Variants in PCNT observed in about 807,000 individuals in gnomAD.
PCNT encodes the protein kendrin.
A neutral mutation model predicts 380.4 loss-of-function variants in PCNT; 319 were observed. The ratio of observed to expected loss-of-function variants is 0.84; its 90% CI spans 0.77 to 0.92. The LOEUF is 0.92. Ranked by LOEUF, PCNT falls within the 40% of genes least tolerant of loss-of-function variation. PCNT has a pLI of 0.00. For missense variants in PCNT, 4,400 were observed against 4,255.3 expected (o/e 1.03, Z -0.95); for synonymous variants, 1,845 against 1,735.2 (o/e 1.06, Z -1.57).
chr21:46,380,775 C>G (rs1235590393), intron 15 of PCNT, among the ~76,000 whole-genome samples: 1 of 152,126 alleles, frequency 6.6e-6, no homozygotes, highest in Non-Finnish European at 1.5e-5. Flanking sequence ...ATGGTTTTTA[C>G]CACTTTTTCT....
At chr21:46,357,955 A>G (rs2084536920) in intron 13 of PCNT, among the ~76,000 whole-genome samples, 1 of 152,246 alleles carries the variant, frequency 6.6e-6, no homozygotes, top group African/African-American at 2.4e-5. Context: ...ATGCTGTCAT[A>G]AATGATGACA....
Position 46,425,208 on chromosome 21 carries a change from C to T in PCNT, c.7180-623C>T, listed in dbSNP as rs570394632. 6.6e-6 allele frequency among the ~76,000 whole-genome samples: 1 copy of T among 152,300 alleles called. No homozygotes were observed. The highest frequency in any genetic ancestry group is 2.1e-4 in the South Asian group (1 of 4,828). On this transcript the variant is annotated intron_variant, in intron 32 of 46. Transcript: ENST00000359568. This position sits in a 1 kb window ranked among gnomAD's most constrained non-coding sequence, Gnocchi z 4.2. ...TTACCCCTCAGCCTCTCTGGCGAGA[C>T]AGTCAAGTGTGTGTCCGGACACCAG...
At position 46,354,039 on chromosome 21, in the gene PCNT, G is replaced by A. The variant is rs370083877; in HGVS notation, c.1732G>A (p.Val578Ile). The A allele has an allele frequency of 1.6e-5, 26 of 1,614,116 alleles. No individual in the cohort carries two copies. The African/African-American group carries it at 2.1e-4, about 13-fold the overall frequency. The change falls in exon 11 of 47, where the codon GTT becomes ATT. Residue 578 changes from valine (V) to isoleucine (I), a missense_variant. Val to Ile is a conservative substitution (Grantham distance 29). Transcript: ENST00000359568. ...ACCTGAGAAAGGAAGAAAAGATCAC[G>A]TTGATGAACTCGAGCCTGAGCGACA... ...EKPEKGRKDH[V>I]DELEPERHKE...
intron 12 of PCNT, 142 bp downstream of exon 12, chr21:46,355,768 C>G (rs558940856): frequency 2.4e-6 from 2 of 832,684 alleles, no homozygotes; most frequent in Non-Finnish European, 3.9e-6. Flanking sequence ...GCTGACACCT[C>G]AACAGAGTGT....
chr21:46,428,702 G>T, intron 35 of PCNT, 112 bp downstream of exon 35: 1 of 953,272 alleles, frequency 1.0e-6, no homozygotes. Flanking sequence ...ATCTAGTCAA[G>T]CCCCTGAGTG....
intron 21 of PCNT, among the ~76,000 whole-genome samples, chr21:46,394,149 C>G (rs2086129634): frequency 6.6e-6 from 1 of 152,260 alleles, no homozygotes; most frequent in Non-Finnish European, 1.5e-5. Context: ...GCTACCGGCC[C>G]TGACCACTCT....
At chr21:46,380,124 C>G (rs938416937) in intron 15 of PCNT, among the ~76,000 whole-genome samples, 3 of 144,544 alleles carry the variant, frequency 2.1e-5, no homozygotes, top group Non-Finnish European at 4.5e-5. Context: ...CTGACTGTTT[C>G]CAACCGGTGC....
In PCNT at chr21:46,444,719, T is replaced by G; in HGVS notation, c.9865T>G (p.Leu3289Val). The G allele has an allele frequency of 6.2e-7, 1 of 1,613,202 alleles. No homozygotes were observed. The highest frequency in any genetic ancestry group is 8.5e-7 in the Non-Finnish European group (1 of 1,179,614). The change falls in exon 46 of 47, where the codon TTA (leucine) becomes GTA (valine). Residue 3289 changes from leucine (L) to valine (V), a missense_variant. Leu to Val is a conservative substitution (Grantham distance 32, BLOSUM62 1). Transcript: ENST00000359568. ...GRATPSPNSRLERSLTASQDP... is the reference protein window; with the variant it reads ...GRATPSPNSRVERSLTASQDP... ...AGCCACTCCATCCCCAAATTCAAGA[T>G]TAGAAAGATCCCTGACTGCTTCTCA...
chr21:46,442,191 G>A (rs1431287249), intron 43 of PCNT, among the ~76,000 whole-genome samples: 1 of 152,162 alleles, frequency 6.6e-6, no homozygotes, highest in Non-Finnish European at 1.5e-5. Context: ...CTTTGAACTG[G>A]AGTCGTCCTG....
intron 10 of PCNT, 139 bp from the exon 11 acceptor site, chr21:46,353,848 C>G: frequency 2.7e-6 from 2 of 751,448 alleles, no homozygotes; most frequent in Non-Finnish European, 4.7e-6. Flanking sequence ...CACGGCTCCC[C>G]GCACATGGAC....
chr21:46,428,373 G>C (rs1213916410), intron 34 of PCNT, 22 bp from the exon 35 acceptor site: 1 of 1,608,726 alleles, frequency 6.2e-7, no homozygotes, highest in South Asian at 1.1e-5. Flanking sequence ...TGCTCAGGCT[G>C]CTTGTCCCAT....
At chr21:46,325,364 A>AC (rs1471544285) in intron 1 of PCNT, among the ~76,000 whole-genome samples, 1 of 151,876 alleles carries the variant, frequency 6.6e-6, no homozygotes, top group Non-Finnish European at 1.5e-5. Context: ...GGAGCTGCGA[A>AC]CAGGAGCAGA....
intron 15 of PCNT, among the ~76,000 whole-genome samples, chr21:46,379,135 T>C (rs2085425138): frequency 6.6e-6 from 1 of 152,220 alleles, no homozygotes; most frequent in Admixed American, 6.5e-5. Context: ...TAATTTCTCC[T>C]TCATCCTTGA....
At chr21:46,423,702 AGGGG>A (rs2087351334) in intron 32 of PCNT, among the ~76,000 whole-genome samples, 1 of 83,050 alleles carries the variant, frequency 1.2e-5, no homozygotes. Flanking sequence ...GCAGAGGAGG[AGGGG>A]GAGAGGAGGA....
At chr21:46,424,252 G>T (rs538436118) in intron 32 of PCNT, among the ~76,000 whole-genome samples, 1 of 152,356 alleles carries the variant, frequency 6.6e-6, no homozygotes, top group South Asian at 2.1e-4. Context: ...GCCGTGCCTG[G>T]AATTGAGCCA....
chr21:46,438,120 C>A, intron 40 of PCNT, 44 bp from the exon 41 acceptor site: 1 of 1,486,728 alleles, frequency 6.7e-7, no homozygotes, highest in Non-Finnish European at 9.3e-7. Context: ...ATGTTCATGC[C>A]CTTTAACAAC....
chr21:46,357,493 G>A (rs1463746601), intron 13 of PCNT, among the ~76,000 whole-genome samples: 1 of 152,246 alleles, frequency 6.6e-6, no homozygotes, highest in African/African-American at 2.4e-5. Context: ...CCAGGCTGGA[G>A]TGCAGTGGCA....
chr21:46,425,941 G>A lies in PCNT; in HGVS notation c.7290G>A (p.Gln2430=). ...PHPPRKEDEI[Q]DISLHGGKTQ... is the part of the protein sequence containing the mutation. ...CACCCCGGAAGGAAGACGAGATACA[G>A]GACATCTCGCTCCATGGGGGAAAGA... The change falls in exon 33 of 47, where the codon CAG becomes CAA. Residue 2430 remains glutamine, a synonymous_variant. Transcript: ENST00000359568. The surrounding 1 kb of genome is among the most constrained non-coding windows in gnomAD (Gnocchi z 4.2). The A allele has an allele frequency of 6.2e-7, 1 of 1,614,084 alleles. No homozygotes were observed. The highest frequency in any genetic ancestry group is 8.5e-7 in the Non-Finnish European group (1 of 1,180,028).
In PCNT at chr21:46,334,398, C is replaced by G. The variant is rs764529113; in HGVS notation, c.269C>G (p.Pro90Arg). Residue 90 changes from proline to arginine, a missense_variant and splice_region_variant, in exon 3 of 47, where the codon CCG becomes CGG. Pro to Arg is a moderately radical substitution (Grantham distance 103, BLOSUM62 -2). Coordinates refer to ENST00000359568, the MANE Select transcript of PCNT (RefSeq NM_006031.6). ...DGAGGAFAAQ[P>R]EDCDGEKRED... Reference sequence around the variant, plus strand: ...TCTTTCTGGTCCTCCCCTTCTTAGCCGGAGGACTGTGATGGAGAGAAGAGA... The same window carrying G: ...TCTTTCTGGTCCTCCCCTTCTTAGCGGGAGGACTGTGATGGAGAGAAGAGA... 10 of 1,614,028 alleles carry G rather than the reference C, an allele frequency of 6.2e-6. No individual in the cohort carries two copies. The highest frequency in any genetic ancestry group is 1.7e-6 in the Non-Finnish European group (2 of 1,180,006).
Sources: gnomAD v4.1 joint callset for allele counts (sites outside exome capture counted in the v4.1 genomes callset) on GRCh38, gnomAD v4.1.1 for gene constraint, Gnocchi (gnomAD v3.1) non-coding constraint, MANE v1.5 for transcripts, NCBI Gene and HGNC (gene_info 2026-07-23, HGNC 2026-07-21) for gene names.